WDR3: variants seen among roughly 807,000 people sequenced by gnomAD.
The protein encoded by WDR3 is WD repeat domain 3.
Under a neutral mutation model 123.7 loss-of-function variants are expected in WDR3, and 81 were observed. That is an observed-to-expected ratio of 0.65 (90% CI 0.55 to 0.79). WDR3 has a LOEUF of 0.79. Ranked by LOEUF, WDR3 falls within the 30% of genes least tolerant of loss-of-function variation. The pLI is 0.00. For missense variants in WDR3, 1,027 were observed against 1,123.2 expected (o/e 0.91, Z 1.22); for synonymous variants, 390 against 388.8 (o/e 1.00, Z -0.04).
intron 11 of WDR3, 142 bp downstream of exon 11, chr1:117,943,768 C>A: frequency 5.7e-6 from 4 of 696,034 alleles, no homozygotes; most frequent in South Asian, 5.1e-5. Context: ...GCCTGTGGAG[C>A]TTAGAGAAGA....
Position 117,942,547 on chromosome 1 carries a change from G to T in WDR3, c.1097+3G>T, listed in dbSNP as rs756868065. On this transcript the variant is annotated splice_donor_region_variant and intron_variant, in intron 10 of 26. Coordinates refer to ENST00000349139, the MANE Select transcript of WDR3 (RefSeq NM_006784.3). ...ATAAAAACTTCTGCCAAAATCAAGT[G>T]AGTAAAAATAAATTATCTGAAGTTA... is the stretch of plus-strand genomic sequence containing the variant. 6 of 1,609,882 alleles carry T rather than the reference G, an allele frequency of 3.7e-6. No individual in the cohort carries two copies. In the African/African-American group the frequency reaches 8.0e-5, roughly 22 times the overall value.
At chr1:117,940,160 A>G (rs1230473571) in intron 6 of WDR3, among the ~76,000 whole-genome samples, 1 of 152,180 alleles carries the variant, frequency 6.6e-6, no homozygotes, top group African/African-American at 2.4e-5. Context: ...GTTCTATAAT[A>G]TGGTCAACCT....
Position 117,949,623 on chromosome 1 carries a change from C to G in WDR3, c.1525-128C>G, listed in dbSNP as rs1651529019. On this transcript the variant is annotated intron_variant, in intron 13 of 26. Transcript: ENST00000349139. ...GATCAGTGAAAGGGGCTAGGGAGAACCACGTTTTTCTTAATTTTTATCCCA... is the reference window on the plus strand; with the variant it reads ...GATCAGTGAAAGGGGCTAGGGAGAAGCACGTTTTTCTTAATTTTTATCCCA... 2.8e-6 allele frequency: 3 copies of G among 1,069,260 alleles called. No homozygotes were observed. The East Asian group carries it at 7.8e-5, about 28-fold the overall frequency. 66.2% of individuals were successfully genotyped at this position (1,069,260 alleles called of 1,614,324 possible).
intron 22 of WDR3, 49 bp from the exon 23 acceptor site, chr1:117,954,531 A>G: frequency 6.4e-7 from 1 of 1,565,688 alleles, no homozygotes; most frequent in African/African-American, 1.4e-5. Context: ...AACAAGTGCT[A>G]CCTAAGTCTC....
intron 9 of WDR3, 21 bp from the exon 10 acceptor site, chr1:117,942,415 AT>A (rs1266154446): frequency 6.3e-7 from 1 of 1,598,644 alleles, no homozygotes; most frequent in Non-Finnish European, 8.6e-7. Flanking sequence ...AGAGCATGAT[AT>A]ACTTTTCTTC....
chr1:117,936,714 G>T (rs766171158), intron 3 of WDR3, 55 bp from the exon 4 acceptor site: 84 of 1,327,174 alleles, frequency 6.3e-5, no homozygotes, highest in Non-Finnish European at 8.5e-5. Flanking sequence ...TTGTCAAGTT[G>T]GGCCATATAT....
Position 117,939,474 on chromosome 1 carries a change from T to A in WDR3, c.580-3T>A. The A allele has an allele frequency of 1.2e-6, 2 of 1,613,346 alleles. No individual in the cohort carries two copies. The highest frequency in any genetic ancestry group is 1.7e-6 in the Non-Finnish European group (2 of 1,179,376). ...ATTACTCAAATCTTTTTATATTCTA[T>A]AGGTATGGGGGTTGGTTCTGTTGTC... On this transcript the variant is annotated splice_region_variant and splice_polypyrimidine_tract_variant and intron_variant, in intron 5 of 26. Coordinates refer to ENST00000349139, the MANE Select transcript of WDR3 (RefSeq NM_006784.3).
chr1:117,932,192 A>G (rs891772206), intron 1 of WDR3, among the ~76,000 whole-genome samples: 5 of 152,242 alleles, frequency 3.3e-5, no homozygotes, highest in African/African-American at 1.2e-4. Context: ...AGTGAATTTA[A>G]TAAAAGTGCA....
intron 2 of WDR3, 59 bp from the exon 3 acceptor site, chr1:117,934,414 C>A: frequency 6.5e-7 from 1 of 1,547,212 alleles, no homozygotes; most frequent in Non-Finnish European, 8.9e-7. Context: ...TATTCCTATG[C>A]TTTTCCCTTG....
chr1:117,933,290 T>G lies in WDR3; in HGVS notation c.-30T>G, dbSNP rs1430264046. 1 of 1,611,406 alleles carries G rather than the reference T, an allele frequency of 6.2e-7. No homozygotes were observed. Among genetic ancestry groups the G allele is most frequent in the Non-Finnish European group, 8.5e-7 (1 of 1,177,916 alleles). ...GTTTTCTTTGTTTATATGCACAGATTGCTTCACCTGTGGTATCAGACATCA... is the reference window on the plus strand; with the variant it reads ...GTTTTCTTTGTTTATATGCACAGATGGCTTCACCTGTGGTATCAGACATCA... On this transcript the variant is annotated splice_region_variant and 5_prime_UTR_variant, in exon 2 of 27. In the 5' UTR this introduces an upstream ATG that the reference lacks. Transcript: ENST00000349139.
intron 2 of WDR3, among the ~76,000 whole-genome samples, chr1:117,934,261 A>T (rs1351078927): frequency 1.3e-5 from 2 of 152,160 alleles, no homozygotes. Flanking sequence ...GGAGAAAATA[A>T]TTAAGCCTTT....
Position 117,964,224 on chromosome 1 carries a change from T to A in WDR3, c.*4777T>A. Reference sequence around the variant, plus strand: ...GGTCAAGCCCCAAACCATATCTACATCAGATTTCATGCTTTTTTTTTTTTT... The same window carrying A: ...GGTCAAGCCCCAAACCATATCTACAACAGATTTCATGCTTTTTTTTTTTTT... On this transcript the variant is annotated 3_prime_UTR_variant, in exon 27 of 27. Transcript: ENST00000349139. The A allele has an allele frequency of 1.0e-5, 2 of 194,862 alleles. No individual in the cohort carries two copies. The highest frequency in any genetic ancestry group is 2.1e-5 in the Non-Finnish European group (2 of 95,644). 12.1% of individuals were successfully genotyped at this position (194,862 alleles called of 1,614,324 possible).
At chr1:117,941,048 T>G in intron 7 of WDR3, 76 bp from the exon 8 acceptor site, 1 of 1,587,652 alleles carries the variant, frequency 6.3e-7, no homozygotes, top group Non-Finnish European at 8.6e-7. Context: ...TCACTTGCAC[T>G]TATTAGAATT....
At chr1:117,952,494 A>G in intron 18 of WDR3, 34 bp from the exon 19 acceptor site, 1 of 1,599,088 alleles carries the variant, frequency 6.3e-7, no homozygotes, top group Non-Finnish European at 8.5e-7. Context: ...TGGTCAATGA[A>G]TGAGGTATTC....
Position 117,948,456 on chromosome 1 carries a change from A to T in WDR3, c.1474A>T (p.Ile492Leu), listed in dbSNP as rs1266628635. The T allele has an allele frequency of 8.7e-6, 14 of 1,614,054 alleles. No individual in the cohort carries two copies. Among genetic ancestry groups the T allele is most frequent in the Non-Finnish European group, 1.2e-5 (14 of 1,179,972 alleles). The change falls in exon 13 of 27, where the codon ATA (isoleucine) becomes TTA (leucine). Residue 492 changes from isoleucine (I) to leucine (L), a missense_variant. Transcript: ENST00000349139. ...DLASGNLLET[I>L]DAHDGALWSM... ...GGCTTCAGGGAATCTGCTGGAGACA[A>T]TAGATGCACATGATGGAGCTTTGTG...
chr1:117,956,487 G>T (rs1326941653), intron 24 of WDR3, among the ~76,000 whole-genome samples: 1 of 152,126 alleles, frequency 6.6e-6, no homozygotes, highest in Non-Finnish European at 1.5e-5. Flanking sequence ...ATTGATTAAT[G>T]TGGAGGTTAC....
At chr1:117,933,559 G>A (rs1650810179) in intron 2 of WDR3, 69 bp downstream of exon 2, 4 of 1,591,484 alleles carry the variant, frequency 2.5e-6, no homozygotes, top group African/African-American at 2.7e-5. Flanking sequence ...GTAGAAGTGG[G>A]GGGGCTCTGA....
rs1282349106 is a variant in WDR3, at chr1:117,943,529, A to G, written c.1231A>G (p.Ile411Val). Residue 411 changes from isoleucine to valine, a missense_variant, in exon 11 of 27, where the codon ATT becomes GTT. Ile to Val is a conservative substitution (Grantham distance 29). Transcript: ENST00000349139. ...GCCTGTCAGGACAAGCAGAATCACT[A>G]TTGGGGGTCATCGCAGTGATGTGCG... Reference protein sequence around the residue: ...PQPVRTSRITIGGHRSDVRTL... With the variant: ...PQPVRTSRITVGGHRSDVRTL... 2.5e-6 allele frequency: 4 copies of G among 1,614,094 alleles called. No individual in the cohort carries two copies. Among genetic ancestry groups the G allele is most frequent in the Non-Finnish European group, 3.4e-6 (4 of 1,180,030 alleles).
rs1056633111 is a variant in WDR3, at chr1:117,946,468, A to G, written c.1422+289A>G. On this transcript the variant is annotated intron_variant, in intron 12 of 26. Coordinates refer to ENST00000349139, the MANE Select transcript of WDR3 (RefSeq NM_006784.3). ...ATATGTAATTGTGTTTTAATTAATG[A>G]TAAAATATATTAAGGGTAATAATTA... 3.3e-5 allele frequency among the ~76,000 whole-genome samples: 5 copies of G among 152,294 alleles called. No individual in the cohort carries two copies. The East Asian group carries it at 9.6e-4, about 29-fold the overall frequency.
Sources: gnomAD v4.1 joint callset for allele counts (sites outside exome capture counted in the v4.1 genomes callset) on GRCh38, gnomAD v4.1.1 for gene constraint, MANE v1.5 for transcripts, NCBI Gene and HGNC (gene_info 2026-07-23, HGNC 2026-07-21) for gene names.